Variants in UBR1 observed in about 807,000 individuals in gnomAD.
UBR1 encodes the protein E3 ubiquitin-protein ligase UBR1.
In UBR1, 102 loss-of-function variants were observed where a neutral mutation model predicts 242.1. The ratio of observed to expected loss-of-function variants is 0.42; its 90% CI spans 0.36 to 0.50. The LOEUF is 0.50. Among genes scored for constraint, UBR1 ranks in the 20% least tolerant of loss-of-function variants. The pLI, the probability that UBR1 is intolerant of heterozygous loss-of-function variation, is 0.01. For synonymous variants in UBR1, 675 were observed against 684.8 expected (o/e 0.99, Z 0.22); for missense variants, 1,772 against 2,101.8 (o/e 0.84, Z 3.07).
At chr15:43,085,480 A>G (rs965328828) in intron 2 of UBR1, among the ~76,000 whole-genome samples, 1 of 152,264 alleles carries the variant, frequency 6.6e-6, no homozygotes, top group Non-Finnish European at 1.5e-5. Context: ...CTATACTAGC[A>G]AAAACCAAAC....
At chr15:43,026,175 T>C (rs905954550) in intron 23 of UBR1, 3 of 201,434 alleles carry the variant, frequency 1.5e-5, no homozygotes, top group South Asian at 8.0e-5. Flanking sequence ...GAGGTTGCAG[T>C]GAGCTGATAT....
At chr15:43,073,752 T>A (rs1237790352) in intron 4 of UBR1, among the ~76,000 whole-genome samples, 3 of 152,192 alleles carry the variant, frequency 2.0e-5, no homozygotes, top group Non-Finnish European at 4.4e-5. Flanking sequence ...CCAAGTAAGG[T>A]CAATGTGAAC....
chr15:42,952,506 T>A, intron 44 of UBR1, 58 bp from the exon 45 acceptor site: 1 of 1,563,038 alleles, frequency 6.4e-7, no homozygotes, highest in East Asian at 2.2e-5. Context: ...AACAAATAAG[T>A]ACCATATATC....
chr15:43,027,068 C>A (rs2033187993), intron 22 of UBR1, among the ~76,000 whole-genome samples: 3 of 152,020 alleles, frequency 2.0e-5, no homozygotes, highest in Non-Finnish European at 4.4e-5. Flanking sequence ...GACATCATAA[C>A]CTTAGTAATT....
intron 35 of UBR1, among the ~76,000 whole-genome samples, chr15:42,986,719 T>C (rs1304099627): frequency 2.0e-5 from 3 of 152,214 alleles, no homozygotes; most frequent in African/African-American, 7.2e-5. Flanking sequence ...GTGACTTTTT[T>C]TCCCCCAAGC....
chr15:42,950,214 T>G, intron 46 of UBR1, 48 bp downstream of exon 46: 1 of 1,456,710 alleles, frequency 6.9e-7, no homozygotes, highest in Non-Finnish European at 9.6e-7. Context: ...ACAATCAACA[T>G]AAAAGAGAAC....
At chr15:43,043,422 T>C (rs2033444225) in intron 14 of UBR1, 27 bp from the exon 15 acceptor site, 2 of 1,611,398 alleles carry the variant, frequency 1.2e-6, no homozygotes, top group Non-Finnish European at 8.5e-7. Flanking sequence ...ATACAAAAAG[T>C]TGACAAGTTT....
chr15:42,974,356 A>T (rs1445490075), intron 39 of UBR1, among the ~76,000 whole-genome samples: 1 of 152,200 alleles, frequency 6.6e-6, no homozygotes, highest in African/African-American at 2.4e-5. Flanking sequence ...TCCTTTGCTC[A>T]AATGTCAAAG....
chr15:42,964,097 C>G, intron 41 of UBR1, 54 bp from the exon 42 acceptor site: 1 of 1,215,650 alleles, frequency 8.2e-7, no homozygotes, highest in African/African-American at 1.5e-5. Context: ...CCTGGTCAAT[C>G]TGTGCATTAG....
chr15:43,008,330 G>A lies in UBR1; in HGVS notation c.3210-1046C>T, dbSNP rs371069378. On this transcript the variant is annotated intron_variant, in intron 29 of 46. Transcript: ENST00000290650. ...GAGCCTCTCCGCACTCCCAATGCCCGCTCCGATTTTGGAGCAAAGCTGTGG... is the reference window on the plus strand; with the variant it reads ...GAGCCTCTCCGCACTCCCAATGCCCACTCCGATTTTGGAGCAAAGCTGTGG... 3.3e-4 allele frequency among the ~76,000 whole-genome samples: 51 copies of A among 152,386 alleles called. 1 individual carries two copies. The South Asian group carries it at 7.2e-3, about 22-fold the overall frequency.
intron 20 of UBR1, among the ~76,000 whole-genome samples, chr15:43,031,985 G>C (rs2033263531): frequency 6.6e-6 from 1 of 152,162 alleles, no homozygotes; most frequent in African/African-American, 2.4e-5. Context: ...AGTGAGCTGA[G>C]ATCGCACCAC....
chr15:42,962,781 C>T (rs1486180105), intron 42 of UBR1, among the ~76,000 whole-genome samples: 6 of 152,270 alleles, frequency 3.9e-5, no homozygotes, highest in Middle Eastern at 6.8e-3. Context: ...TGAGCCACCA[C>T]GCCTGGCCAA....
At chr15:43,085,466 C>T (rs1020854361) in intron 2 of UBR1, among the ~76,000 whole-genome samples, 2 of 152,052 alleles carry the variant, frequency 1.3e-5, no homozygotes, top group Non-Finnish European at 2.9e-5. Context: ...TATTCAGAAA[C>T]AAGCTATACT....
chr15:42,968,642 G>T (rs934241377), intron 40 of UBR1, among the ~76,000 whole-genome samples: 1 of 152,084 alleles, frequency 6.6e-6, no homozygotes, highest in Non-Finnish European at 1.5e-5. Flanking sequence ...ATCTACATTA[G>T]GTATTTTTCC....
intron 8 of UBR1, 39 bp from the exon 9 acceptor site, chr15:43,059,231 T>C (rs918281095): frequency 6.4e-7 from 1 of 1,565,240 alleles, no homozygotes; most frequent in Non-Finnish European, 8.8e-7. Context: ...ACAACTTGTA[T>C]TCTTTTTCTT....
intron 29 of UBR1, among the ~76,000 whole-genome samples, chr15:43,013,055 G>A (rs12911334): frequency 0.1 from 15,492 of 152,094 alleles, 1,093 homozygotes; most frequent in South Asian, 0.21. Flanking sequence ...AAATGCACGC[G>A]TCACCACACC....
At chr15:43,014,220 C>A (rs1471761862) in intron 29 of UBR1, among the ~76,000 whole-genome samples, 1 of 152,274 alleles carries the variant, frequency 6.6e-6, no homozygotes. Context: ...GTGGCGTGAT[C>A]TCGGCTTGCT....
chr15:43,000,307 C>G (rs900584267), intron 32 of UBR1, among the ~76,000 whole-genome samples: 6 of 152,230 alleles, frequency 3.9e-5, no homozygotes, highest in Middle Eastern at 3.4e-3. Flanking sequence ...AGACCTTTAA[C>G]TAGTTCTAAG....
intron 37 of UBR1, among the ~76,000 whole-genome samples, chr15:42,978,892 CTT>C (rs754093273): frequency 3.2e-5 from 3 of 94,052 alleles, no homozygotes; most frequent in African/African-American, 7.8e-5. Flanking sequence ...CCACGCCCGG[CTT>C]TTTTTTTTTT....
Sources: gnomAD v4.1 joint callset for allele counts (sites outside exome capture counted in the v4.1 genomes callset) on GRCh38, gnomAD v4.1.1 for gene constraint, MANE v1.5 for transcripts, NCBI Gene and HGNC (gene_info 2026-07-23, HGNC 2026-07-21) for gene names.